The following PDE7B variants were observed in gnomAD, a reference collection of about 807,000 sequenced individuals.
The protein encoded by PDE7B is phosphodiesterase 7B, also known as 3',5'-cyclic-AMP phosphodiesterase 7B.
A neutral mutation model predicts 56.2 loss-of-function variants in PDE7B; 29 were observed. That is an observed-to-expected ratio of 0.52 (90% CI 0.38 to 0.70). PDE7B has a LOEUF of 0.70. PDE7B is among the 30% of genes least tolerant of loss of function. The pLI is 0.00. For missense variants in PDE7B, 490 were observed against 565.0 expected (o/e 0.87, Z 1.35); for synonymous variants, 197 against 196.9 (o/e 1.00, Z 0.00).
intron 2 of PDE7B, among the ~76,000 whole-genome samples, chr6:135,952,275 G>A (rs1774715437): frequency 6.6e-6 from 1 of 152,174 alleles, no homozygotes; most frequent in African/African-American, 2.4e-5. Flanking sequence ...AATTATTACT[G>A]ATGATACCAA....
At chr6:136,137,455 C>T (rs3757155) in intron 3 of PDE7B, among the ~76,000 whole-genome samples, 53,192 of 151,862 alleles carry the variant, frequency 0.35, 9,460 homozygotes, top group South Asian at 0.46. Context: ...TGGATCTCCA[C>T]GGGTGCTTAA....
chr6:136,033,323 C>G (rs1211571874), intron 2 of PDE7B, among the ~76,000 whole-genome samples: 1 of 152,144 alleles, frequency 6.6e-6, no homozygotes, highest in Non-Finnish European at 1.5e-5. Context: ...TAACAGCTAA[C>G]AGGATAGAGT....
chr6:136,173,186 C>T (rs1333812959), intron 8 of PDE7B, among the ~76,000 whole-genome samples: 7 of 152,196 alleles, frequency 4.6e-5, no homozygotes, highest in African/African-American at 7.2e-5. Context: ...AAAGAGCCCG[C>T]ATTGCCAAGT....
chr6:136,080,932 G>A (rs1396509730), intron 2 of PDE7B, among the ~76,000 whole-genome samples: 1 of 152,202 alleles, frequency 6.6e-6, no homozygotes, highest in Admixed American at 6.5e-5. Flanking sequence ...GCTTCCTTCA[G>A]GAGAAGATAC....
rs982819719 is a variant in PDE7B at position 135,877,255 on chromosome 6, A to C, written c.21+25236A>C. Among the ~76,000 whole-genome samples, 16 of 142,270 alleles carry C rather than the reference A, an allele frequency of 1.1e-4. No homozygotes were observed. In the East Asian group the frequency reaches 1.3e-3, roughly 11 times the overall value. 93.3% of individuals were successfully genotyped at this position (142,270 alleles called of 152,430 possible). On this transcript the variant is annotated intron_variant, in intron 1 of 12. Transcript: ENST00000308191. ...TCTTGATGGATTTCCTTTCTTTTTT[A>C]TTTTTTATTTTTATTATTTACTTCT...
Position 135,935,186 on chromosome 6 carries a change from T to TA in PDE7B, c.22-12278_22-12277insA, listed in dbSNP as rs1774393949. Among the ~76,000 whole-genome samples, 68 of 38,432 alleles carry TA rather than the reference T, an allele frequency of 1.8e-3. 6 individuals carry two copies. Among genetic ancestry groups the TA allele is most frequent in the African/African-American group, 0.01 (68 of 6,738 alleles). 25.2% of individuals were successfully genotyped at this position (38,432 alleles called of 152,430 possible). ...GACAGAGAATTTTATATATATATAT[T>TA]TATTTATATATATATATATATATAT... On this transcript the variant is annotated intron_variant, in intron 1 of 12. Coordinates refer to ENST00000308191, the MANE Select transcript of PDE7B (RefSeq NM_018945.4).
At chr6:136,101,924 A>T (rs371280993) in intron 2 of PDE7B, among the ~76,000 whole-genome samples, 3 of 152,150 alleles carry the variant, frequency 2.0e-5, no homozygotes, top group East Asian at 1.9e-4. Flanking sequence ...CACTTTTATT[A>T]ACCCTGTCAT....
At chr6:135,929,781 A>G (rs1483959234) in intron 1 of PDE7B, among the ~76,000 whole-genome samples, 2 of 152,178 alleles carry the variant, frequency 1.3e-5, no homozygotes, top group Admixed American at 6.5e-5. Flanking sequence ...ATTTGACAGA[A>G]CAGTGGAGGT....
intron 3 of PDE7B, among the ~76,000 whole-genome samples, chr6:136,130,398 A>G (rs1048445314): frequency 2.6e-5 from 4 of 152,104 alleles, no homozygotes; most frequent in African/African-American, 9.7e-5. Flanking sequence ...CATATATACC[A>G]GGTGCCATCT....
At chr6:135,864,241 T>G (rs1315379475) in intron 1 of PDE7B, among the ~76,000 whole-genome samples, 1 of 152,142 alleles carries the variant, frequency 6.6e-6, no homozygotes, top group African/African-American at 2.4e-5. Context: ...TTTGTATCCC[T>G]CCTAAATTAT....
At chr6:135,877,248 CTTTTTTA>C (rs1456744461) in intron 1 of PDE7B, among the ~76,000 whole-genome samples, 2 of 150,956 alleles carry the variant, frequency 1.3e-5, no homozygotes, top group Non-Finnish European at 3.0e-5. Context: ...GATTTCCTTT[CTTTTTTA>C]TTTTTTATTT....
intron 1 of PDE7B, among the ~76,000 whole-genome samples, chr6:135,931,324 G>A (rs1047723725): frequency 4.6e-5 from 7 of 152,162 alleles, no homozygotes; most frequent in African/African-American, 1.7e-4. Context: ...TCCAATGCGA[G>A]TGATAGCACA....
intron 3 of PDE7B, among the ~76,000 whole-genome samples, chr6:136,139,817 G>T (rs1447735005): frequency 1.3e-5 from 2 of 151,752 alleles, no homozygotes; most frequent in Non-Finnish European, 2.9e-5. Context: ...TGATGGGGTT[G>T]TTTGTTTTTT....
chr6:136,036,449 T>C (rs1776327376), intron 2 of PDE7B, among the ~76,000 whole-genome samples: 1 of 152,300 alleles, frequency 6.6e-6, no homozygotes, highest in Non-Finnish European at 1.5e-5. Context: ...GGAGAGTAGG[T>C]TTGCCAGTAT....
chr6:136,051,411 C>A (rs984458966), intron 2 of PDE7B, among the ~76,000 whole-genome samples: 1 of 152,204 alleles, frequency 6.6e-6, no homozygotes, highest in African/African-American at 2.4e-5. Context: ...AGTCCAAATA[C>A]CCACAGTGCA....
intron 3 of PDE7B, among the ~76,000 whole-genome samples, chr6:136,120,471 TGA>T (rs1264451365): frequency 1.3e-5 from 2 of 152,046 alleles, no homozygotes; most frequent in Non-Finnish European, 2.9e-5. Flanking sequence ...AAATCATAAC[TGA>T]GAATAAAGTG....
chr6:135,907,681 T>C (rs1227556652), intron 1 of PDE7B, among the ~76,000 whole-genome samples: 1 of 152,164 alleles, frequency 6.6e-6, no homozygotes, highest in African/African-American at 2.4e-5. Context: ...TTAATTTACA[T>C]TTACAGCTTA....
At chr6:135,975,189 G>A (rs1318703366) in intron 2 of PDE7B, among the ~76,000 whole-genome samples, 1 of 148,210 alleles carries the variant, frequency 6.7e-6, no homozygotes, top group Non-Finnish European at 1.5e-5. Context: ...AAATTCAGAT[G>A]TCTGTGTAAA....
intron 2 of PDE7B, among the ~76,000 whole-genome samples, chr6:136,092,598 C>T (rs1204171537): frequency 6.6e-6 from 1 of 151,864 alleles, no homozygotes; most frequent in Non-Finnish European, 1.5e-5. Flanking sequence ...ACAACTCTAC[C>T]AAAAACACAA....
Sources: gnomAD v4.1 joint callset for allele counts (sites outside exome capture counted in the v4.1 genomes callset) on GRCh38, gnomAD v4.1.1 for gene constraint, MANE v1.5 for transcripts, NCBI Gene and HGNC (gene_info 2026-07-23, HGNC 2026-07-21) for gene names.